RSF1: variants seen among roughly 807,000 people sequenced by gnomAD.
The protein encoded by RSF1 is remodeling and spacing factor 1.
A neutral mutation model predicts 145.2 loss-of-function variants in RSF1; 13 were observed. The ratio of observed to expected loss-of-function variants is 0.09; its 90% confidence interval spans 0.06 to 0.14. RSF1 has a LOEUF of 0.14. RSF1 is among the 10% of genes least tolerant of loss of function. The pLI, the probability that RSF1 is intolerant of heterozygous loss-of-function variation, is 1.00. For missense variants in RSF1, 1,517 were observed against 1,718.2 expected (o/e 0.88, Z 2.07); for synonymous variants, 577 against 592.6 (o/e 0.97, Z 0.38).
At chr11:77,695,592 T>A (rs1027825064) in intron 7 of RSF1, among the ~76,000 whole-genome samples, 3 of 152,094 alleles carry the variant, frequency 2.0e-5, no homozygotes, top group African/African-American at 4.8e-5. Flanking sequence ...ATTTTTTTTT[T>A]AAGTACTTCC....
the RSF1 span, among the ~76,000 whole-genome samples, chr11:77,838,450 A>G: frequency 5.9e-5 from 9 of 152,254 alleles, no homozygotes; most frequent in African/African-American, 2.2e-4. Flanking sequence ...CTGCCTCAGT[A>G]CCATAACAAC....
chr11:77,660,020 A>T lies in RSF1; in HGVS notation c.*6897T>A, dbSNP rs536202920. ...ATCATGCTAAATAATTCAAATTTAA[A>T]TTTTTATTATGACAATTGACATATT... On this transcript the variant is annotated 3_prime_UTR_variant, in exon 16 of 16. Transcript: ENST00000308488. 6.6e-6 allele frequency: 1 copy of T among 152,212 alleles called. No homozygotes were observed. Among genetic ancestry groups the T allele is most frequent in the Non-Finnish European group, 1.5e-5 (1 of 68,026 alleles). The allele number at this position is 152,212 out of a possible 1,614,324, so 9.4% of individuals were successfully genotyped here.
At chr11:77,686,069 T>C (rs1959995880) in intron 9 of RSF1, among the ~76,000 whole-genome samples, 1 of 152,060 alleles carries the variant, frequency 6.6e-6, no homozygotes. Context: ...GACATCTCCA[T>C]AGTTTCATTT....
chr11:77,740,173 C>T (rs1348345665), intron 4 of RSF1, among the ~76,000 whole-genome samples: 3 of 152,008 alleles, frequency 2.0e-5, no homozygotes, highest in East Asian at 1.9e-4. Flanking sequence ...GTCAGGAGTT[C>T]AAGACCAGCC....
intron 2 of RSF1, among the ~76,000 whole-genome samples, chr11:77,758,140 GA>G (rs59962849): frequency 0.34 from 35,733 of 104,582 alleles, 4,887 homozygotes; most frequent in South Asian, 0.54. Flanking sequence ...AGTCTCAGAA[GA>G]AAAAAAAAAA....
Position 77,740,922 on chromosome 11 carries a change from ACACT to A in RSF1, c.383_386del (p.Glu128ValfsTer49). ...TGAATTTGAGATTGTCATCAAACTG[ACACT>A]CACAGAGGTACTGAAAAATAGTCAT... On this transcript the variant is annotated frameshift_variant, in exon 4 of 16. Coordinates refer to ENST00000308488, the MANE Select transcript of RSF1 (RefSeq NM_016578.4). LOFTEE classifies it high-confidence loss of function. 1 of 1,613,268 alleles carries A rather than the reference ACACT, an allele frequency of 6.2e-7. No homozygotes were observed. Among genetic ancestry groups the A allele is most frequent in the Non-Finnish European group, 8.5e-7 (1 of 1,179,358 alleles).
intron 2 of RSF1, 71 bp from the exon 3 acceptor site, chr11:77,747,199 T>G: frequency 1.1e-6 from 1 of 939,534 alleles, no homozygotes; most frequent in Non-Finnish European, 1.7e-6. Flanking sequence ...TGTACAACTA[T>G]GCTGTTCTTG....
At chr11:77,858,797 G>A in the RSF1 span, among the ~76,000 whole-genome samples, 13 of 152,262 alleles carry the variant, frequency 8.5e-5, no homozygotes, top group Middle Eastern at 3.4e-3. Context: ...CCAGTCCAGG[G>A]GTCCACGGTA....
At chr11:77,801,425 G>C (rs1030983979) in intron 1 of RSF1, among the ~76,000 whole-genome samples, 18 of 152,056 alleles carry the variant, frequency 1.2e-4, no homozygotes, top group Non-Finnish European at 2.5e-4. Context: ...GCAAGACTCC[G>C]TCTCAAAAAA....
chr11:77,751,583 G>A (rs745830867), intron 2 of RSF1, among the ~76,000 whole-genome samples: 5 of 152,128 alleles, frequency 3.3e-5, no homozygotes, highest in South Asian at 2.1e-4. Flanking sequence ...ACAGGGCCTC[G>A]GTCTACCAGT....
chr11:77,848,509 C>G, the RSF1 span, among the ~76,000 whole-genome samples: 7 of 152,192 alleles, frequency 4.6e-5, no homozygotes, highest in South Asian at 1.5e-3. Context: ...AGGCACCCAC[C>G]ACCTCACTTG....
In RSF1 at chr11:77,664,638, C is replaced by T. The variant is rs1431072482; in HGVS notation, c.*2279G>A. On this transcript the variant is annotated 3_prime_UTR_variant, in exon 16 of 16. Coordinates refer to ENST00000308488, the MANE Select transcript of RSF1 (RefSeq NM_016578.4). ...GAGTTTCCACACAATAGTGGCTTTA[C>T]CCAGCTGCAGGACTAAAACGGTAGT... 1 of 152,206 alleles carries T rather than the reference C, an allele frequency of 6.6e-6. No individual in the cohort carries two copies. The highest frequency in any genetic ancestry group is 1.9e-4 in the East Asian group (1 of 5,202). 9.4% of individuals were successfully genotyped at this position (152,206 alleles called of 1,614,324 possible).
chr11:77,787,857 CTG>C (rs1341656844), intron 1 of RSF1, among the ~76,000 whole-genome samples: 4 of 123,950 alleles, frequency 3.2e-5, no homozygotes, highest in Non-Finnish European at 6.5e-5. Flanking sequence ...AGTTCGAGTG[CTG>C]TGACTCACAC....
At chr11:77,864,489 A>G in the RSF1 span, among the ~76,000 whole-genome samples, 1 of 152,142 alleles carries the variant, frequency 6.6e-6, no homozygotes, top group African/African-American at 2.4e-5. Context: ...TTGATTGAGA[A>G]CCAGATTAAT....
intron 12 of RSF1, among the ~76,000 whole-genome samples, chr11:77,677,691 C>A (rs1413435053): frequency 1.3e-5 from 2 of 152,028 alleles, no homozygotes; most frequent in Non-Finnish European, 2.9e-5. Flanking sequence ...ATTAAGAAAC[C>A]AATTTTTAAT....
the RSF1 span, among the ~76,000 whole-genome samples, chr11:77,854,576 C>T: frequency 6.6e-6 from 1 of 152,232 alleles, no homozygotes; most frequent in Non-Finnish European, 1.5e-5. Context: ...CCATGTCTCA[C>T]ATCCAGGTAA....
chr11:77,730,809 A>G, intron 4 of RSF1, among the ~76,000 whole-genome samples: 1 of 152,166 alleles, frequency 6.6e-6, no homozygotes, highest in Admixed American at 6.5e-5. Context: ...CATTGATGTA[A>G]GACATGACTT....
chr11:77,780,438 T>G (rs992536318), intron 1 of RSF1, among the ~76,000 whole-genome samples: 1 of 152,162 alleles, frequency 6.6e-6, no homozygotes, highest in Non-Finnish European at 1.5e-5. Flanking sequence ...TAAACTGGCT[T>G]TTATGAAAAC....
At chr11:77,782,317 G>C (rs966440643) in intron 1 of RSF1, among the ~76,000 whole-genome samples, 1 of 152,164 alleles carries the variant, frequency 6.6e-6, no homozygotes, top group African/African-American at 2.4e-5. Context: ...GAGGCAGGCA[G>C]ATCACTTTTG....
Sources: gnomAD v4.1 joint callset for allele counts (sites outside exome capture counted in the v4.1 genomes callset) on GRCh38, gnomAD v4.1.1 for gene constraint, MANE v1.5 for transcripts, NCBI Gene and HGNC (gene_info 2026-07-23, HGNC 2026-07-21) for gene names.